PLCB4: variants seen among roughly 807,000 people sequenced by gnomAD.
PLCB4 encodes 1-phosphatidylinositol 4,5-bisphosphate phosphodiesterase beta-4.
A neutral mutation model predicts 178.8 loss-of-function variants in PLCB4; 77 were observed. The observed-to-expected ratio is 0.43, with a 90% CI of 0.36 to 0.52. The LOEUF is 0.52. Ranked by LOEUF, PLCB4 falls within the 20% of genes least tolerant of loss-of-function variation. The pLI is 0.00. For missense variants in PLCB4, 1,024 were observed against 1,453.4 expected, an observed-to-expected ratio of 0.70 and a Z score of 4.80; for synonymous variants, 496 against 490.8, an observed-to-expected ratio of 1.01 and a Z score of -0.14.
chr20:9,108,207 A>G (rs1210795825), intron 2 of PLCB4, among the ~76,000 whole-genome samples: 1 of 152,180 alleles, frequency 6.6e-6, no homozygotes, highest in Non-Finnish European at 1.5e-5. Flanking sequence ...TGGAATTCAG[A>G]TGGGACTAGG....
chr20:9,218,611 T>C (rs1050331515), intron 3 of PLCB4, among the ~76,000 whole-genome samples: 1 of 152,204 alleles, frequency 6.6e-6, no homozygotes, highest in Admixed American at 6.5e-5. Context: ...TTGCATATCA[T>C]GTGAGATACT....
intron 3 of PLCB4, among the ~76,000 whole-genome samples, chr20:9,282,794 GGCCTC>G (rs1473825138): frequency 6.6e-6 from 1 of 152,004 alleles, no homozygotes; most frequent in Non-Finnish European, 1.5e-5. Flanking sequence ...AACCTAGGAT[GGCCTC>G]ACTCACTTTA....
chr20:9,397,366 A>G (rs774357136), intron 19 of PLCB4, among the ~76,000 whole-genome samples: 3 of 152,168 alleles, frequency 2.0e-5, no homozygotes, highest in Non-Finnish European at 2.9e-5. Flanking sequence ...CCTCCACTGA[A>G]GTCTTGAACC....
intron 19 of PLCB4, among the ~76,000 whole-genome samples, chr20:9,397,583 T>C (rs1214535510): frequency 6.6e-6 from 1 of 152,206 alleles, no homozygotes; most frequent in African/African-American, 2.4e-5. Context: ...TTGGAAGAAT[T>C]AACTAACCTT....
At chr20:9,225,233 T>A (rs1220705170) in intron 3 of PLCB4, among the ~76,000 whole-genome samples, 1 of 152,174 alleles carries the variant, frequency 6.6e-6, no homozygotes, top group Non-Finnish European at 1.5e-5. Context: ...ATAATATTAA[T>A]TTTTTTCAAC....
chr20:9,312,293 C>A (rs2094843513), intron 4 of PLCB4, among the ~76,000 whole-genome samples: 1 of 151,458 alleles, frequency 6.6e-6, no homozygotes, highest in African/African-American at 2.4e-5. Context: ...GATGGAGTCC[C>A]TTTTCCTAGC....
chr20:9,310,432 T>C (rs149193531), intron 4 of PLCB4, among the ~76,000 whole-genome samples: 4 of 152,270 alleles, frequency 2.6e-5, no homozygotes, highest in East Asian at 1.9e-4. Flanking sequence ...AGAAAGCAGC[T>C]GGGCACAGTG....
chr20:9,154,167 AGAAAG>A (rs1205142179), intron 2 of PLCB4, among the ~76,000 whole-genome samples: 1 of 152,184 alleles, frequency 6.6e-6, no homozygotes, highest in African/African-American at 2.4e-5. Context: ...ATTAGAGAGA[AGAAAG>A]GAATCCTTTT....
chr20:9,081,357 C>T (rs11905209), intron 1 of PLCB4, among the ~76,000 whole-genome samples: 94,911 of 152,064 alleles, frequency 0.62, 29,736 homozygotes, highest in South Asian at 0.72. Flanking sequence ...TGGCCTGACC[C>T]CTGTGATGAA....
intron 1 of PLCB4, among the ~76,000 whole-genome samples, chr20:9,074,590 C>T (rs949239846): frequency 6.6e-6 from 1 of 152,128 alleles, no homozygotes; most frequent in Non-Finnish European, 1.5e-5. Context: ...TCTGCAAGTA[C>T]AGAAAGTTTC....
chr20:9,377,325 G>A (rs1442180369), intron 12 of PLCB4, among the ~76,000 whole-genome samples: 1 of 152,136 alleles, frequency 6.6e-6, no homozygotes, highest in East Asian at 1.9e-4. Context: ...GCTGAAAACT[G>A]ATGGTTCCTC....
At chr20:9,338,161 C>A in intron 6 of PLCB4, 94 bp downstream of exon 6, 1 of 797,608 alleles carries the variant, frequency 1.3e-6, no homozygotes, top group African/African-American at 1.7e-5. Context: ...CTCTTTGTAT[C>A]CAGGCTACTT....
intron 4 of PLCB4, among the ~76,000 whole-genome samples, chr20:9,319,569 G>A (rs767004369): frequency 3.3e-5 from 5 of 152,144 alleles, no homozygotes; most frequent in Non-Finnish European, 5.9e-5. Flanking sequence ...AACCTGAAGG[G>A]CCAGAGAACC....
intron 32 of PLCB4, among the ~76,000 whole-genome samples, chr20:9,446,473 A>G (rs558193194): frequency 6.6e-6 from 1 of 152,318 alleles, no homozygotes; most frequent in South Asian, 2.1e-4. Context: ...CCTACATCAG[A>G]GTTGTCCATT....
At chr20:9,195,625 C>T (rs963079656) in intron 2 of PLCB4, among the ~76,000 whole-genome samples, 4 of 152,090 alleles carry the variant, frequency 2.6e-5, no homozygotes, top group Non-Finnish European at 5.9e-5. Context: ...GCTCCTGGTT[C>T]TTGGGCTTTT....
intron 33 of PLCB4, among the ~76,000 whole-genome samples, chr20:9,454,574 T>A (rs995561739): frequency 6.6e-6 from 1 of 152,226 alleles, no homozygotes. Flanking sequence ...CATTTGGTTT[T>A]TGTTTTTTAT....
At chr20:9,456,189 CTG>C (rs1218544631) in intron 33 of PLCB4, among the ~76,000 whole-genome samples, 1 of 152,154 alleles carries the variant, frequency 6.6e-6, no homozygotes, top group Non-Finnish European at 1.5e-5. Flanking sequence ...AAAGGGGAAA[CTG>C]TGACAGTCCT....
chr20:9,407,519 G>A (rs1469155315), intron 21 of PLCB4, among the ~76,000 whole-genome samples: 3 of 151,966 alleles, frequency 2.0e-5, no homozygotes, highest in Admixed American at 6.6e-5. Context: ...ACAGGCTCAC[G>A]CCACCACACC....
At chr20:9,423,315 C>T (rs1046097128) in intron 27 of PLCB4, among the ~76,000 whole-genome samples, 9 of 152,102 alleles carry the variant, frequency 5.9e-5, no homozygotes, top group South Asian at 2.1e-4. Context: ...GAGATACTTT[C>T]GTATTCTTAA....
Sources: gnomAD v4.1 joint callset for allele counts (sites outside exome capture counted in the v4.1 genomes callset) on GRCh38, gnomAD v4.1.1 for gene constraint, MANE v1.5 for transcripts, NCBI Gene and HGNC (gene_info 2026-07-23, HGNC 2026-07-21) for gene names.